SLC75A1: variants seen among roughly 807,000 people sequenced by gnomAD.
SLC75A1 encodes major facilitator superfamily domain containing 10.
the SLC75A1 span, chr4:2,932,588 C>G: frequency 6.2e-7 from 1 of 1,613,130 alleles, no homozygotes; most frequent in Non-Finnish European, 8.5e-7. Flanking sequence ...AAGGCCCAGC[C>G]TGTGCACTTA....
chr4:2,932,294 C>G, the SLC75A1 span: 1 of 1,573,480 alleles, frequency 6.4e-7, no homozygotes, highest in Non-Finnish European at 8.6e-7. Context: ...CACTTTACAT[C>G]GCTATGGAAT....
chr4:2,931,515 A>AG, the SLC75A1 span: 1 of 1,596,010 alleles, frequency 6.3e-7, no homozygotes, highest in Non-Finnish European at 8.5e-7. Flanking sequence ...TGCAGGACTC[A>AG]GGGGACTGCC....
chr4:2,932,114 G>A, the SLC75A1 span: 2 of 1,610,122 alleles, frequency 1.2e-6, no homozygotes, highest in Non-Finnish European at 1.7e-6. Context: ...GGGCTGAGCA[G>A]ATCAGCCGCA....
the SLC75A1 span, chr4:2,931,875 G>A: frequency 6.2e-7 from 1 of 1,611,174 alleles, no homozygotes; most frequent in Non-Finnish European, 8.5e-7. Context: ...TGTACTCCAG[G>A]CCCGAGAACA....
the SLC75A1 span, chr4:2,932,389 A>T: frequency 1.2e-6 from 2 of 1,613,462 alleles, no homozygotes; most frequent in East Asian, 2.2e-5. Context: ...AGGAAGCAGA[A>T]GATGAACAGC....
the SLC75A1 span, chr4:2,934,289 A>C: frequency 3.9e-6 from 1 of 258,632 alleles, no homozygotes; most frequent in Non-Finnish European, 7.6e-6. Flanking sequence ...CCGGATCCCG[A>C]TCCCGATCCC....
At chr4:2,932,696 G>A in the SLC75A1 span, 10 of 1,606,680 alleles carry the variant, frequency 6.2e-6, no homozygotes, top group Non-Finnish European at 7.6e-6. Flanking sequence ...TCAGCCTGGA[G>A]GCCAGGAAGG....
At chr4:2,931,267 G>A in the SLC75A1 span, 39 of 1,556,900 alleles carry the variant, frequency 2.5e-5, no homozygotes, top group African/African-American at 5.5e-5. Flanking sequence ...GCACCACAAC[G>A]GCGGCGGCTG....
the SLC75A1 span, chr4:2,933,576 G>A: frequency 1.7e-5 from 28 of 1,613,716 alleles, 1 homozygote; most frequent in South Asian, 6.6e-5. Flanking sequence ...CCTCCGAACA[G>A]GACACTGTTG....
the SLC75A1 span, chr4:2,931,969 C>G: frequency 6.2e-7 from 1 of 1,602,116 alleles, no homozygotes; most frequent in Non-Finnish European, 8.5e-7. Flanking sequence ...GAGAAGGCGA[C>G]CACAGCAGGG....
chr4:2,932,577 A>G, the SLC75A1 span: 1 of 1,612,622 alleles, frequency 6.2e-7, no homozygotes, highest in Non-Finnish European at 8.5e-7. Flanking sequence ...CCAGGACCCC[A>G]AAGGCCCAGC....
At chr4:2,933,856 C>A in the SLC75A1 span, 18 of 1,585,484 alleles carry the variant, frequency 1.1e-5, no homozygotes, top group South Asian at 1.7e-4. Flanking sequence ...GGTGACCACG[C>A]GGCGCTCCGG....
At chr4:2,931,936 C>A in the SLC75A1 span, 1 of 1,607,324 alleles carries the variant, frequency 6.2e-7, no homozygotes, top group East Asian at 2.2e-5. Flanking sequence ...GCTGCTGAGC[C>A]CTGGGGAGAG....
At chr4:2,932,349 A>T in the SLC75A1 span, 49 of 1,611,988 alleles carry the variant, frequency 3.0e-5, no homozygotes, top group Non-Finnish European at 3.9e-5. Context: ...CCACAGCCCT[A>T]CCCGTTTCTC....
chr4:2,933,713 G>A, the SLC75A1 span: 1 of 1,602,572 alleles, frequency 6.2e-7, no homozygotes, highest in East Asian at 2.2e-5. Context: ...GATGGGCCTG[G>A]GGGGCAGGGG....
the SLC75A1 span, chr4:2,931,930 C>T: frequency 6.2e-7 from 1 of 1,608,430 alleles, no homozygotes; most frequent in South Asian, 1.1e-5. Flanking sequence ...GCGCAGGCTG[C>T]TGAGCCCTGG....
chr4:2,932,916 G>T, the SLC75A1 span: 1 of 1,097,780 alleles, frequency 9.1e-7, no homozygotes. Context: ...GGGGCCAGGA[G>T]CAGCTCCTTG....
the SLC75A1 span, chr4:2,932,090 G>T: frequency 1.2e-6 from 2 of 1,610,800 alleles, no homozygotes; most frequent in Non-Finnish European, 1.7e-6. Flanking sequence ...GCCGAGAAGC[G>T]CAGCAGGGCC....
At chr4:2,930,809 G>T in the SLC75A1 span, 1 of 1,611,116 alleles carries the variant, frequency 6.2e-7, no homozygotes, top group Non-Finnish European at 8.5e-7. Context: ...ACTCTGCCTG[G>T]TGCCCACAGC....
Sources: allele counts gnomAD v4.1 joint callset, GRCh38; gene constraint gnomAD v4.1.1; transcripts MANE v1.5; gene names NCBI Gene and HGNC (gene_info 2026-07-23, HGNC 2026-07-21).